The following HIF1A variants were observed in gnomAD, a reference collection of about 807,000 sequenced individuals.
HIF1A encodes hypoxia inducible factor 1 subunit alpha, also known as hypoxia-inducible factor 1-alpha.
A neutral mutation model predicts 92.7 loss-of-function variants in HIF1A; 24 were observed. The observed-to-expected ratio is 0.26, with a 90% CI of 0.19 to 0.36. HIF1A has a LOEUF of 0.36. Among genes scored for constraint, HIF1A ranks in the 10% least tolerant of loss-of-function variants. HIF1A has a pLI of 1.00. For synonymous variants in HIF1A, 319 were observed against 338.7 expected, an observed-to-expected ratio of 0.94 and a Z score of 0.64; for missense variants, 799 against 998.5, an observed-to-expected ratio of 0.80 and a Z score of 2.69.
At chr14:61,722,086 CTTT>C (rs5809118) in intron 4 of HIF1A, among the ~76,000 whole-genome samples, 14 of 143,500 alleles carry the variant, frequency 9.8e-5, no homozygotes, top group Non-Finnish European at 1.4e-4. Context: ...TTACAAATAA[CTTT>C]TTTTTTTTTT....
intron 8 of HIF1A, among the ~76,000 whole-genome samples, chr14:61,736,020 C>T (rs1235179422): frequency 2.0e-5 from 3 of 149,838 alleles, no homozygotes; most frequent in Non-Finnish European, 4.4e-5. Context: ...TGGAGTCTCA[C>T]TGTCACCCAG....
Position 61,720,492 on chromosome 14 carries a change from A to C in HIF1A, c.146A>C (p.Asn49Thr). 1 of 1,613,518 alleles carries C rather than the reference A, an allele frequency of 6.2e-7. No homozygotes were observed. Among genetic ancestry groups the C allele is most frequent in the African/African-American group, 1.3e-5 (1 of 74,990 alleles). Residue 49 changes from asparagine (N) to threonine (T), a missense_variant, in exon 2 of 15, where the codon AAT (asparagine) becomes ACT (threonine). Transcript: ENST00000337138. ...ELAHQLPLPH[N>T]VSSHLDKASV... ...GCTCATCAGTTGCCACTTCCACATA[A>C]TGTGAGTTCGCATCTTGATAAGGCC...
At chr14:61,727,734 CA>C (rs1471911657) in intron 6 of HIF1A, 79 bp downstream of exon 6, 1 of 1,078,194 alleles carries the variant, frequency 9.3e-7, no homozygotes, top group African/African-American at 1.6e-5. Context: ...AGCAAAGATT[CA>C]GCGCTGGCCA....
intron 1 of HIF1A, among the ~76,000 whole-genome samples, chr14:61,698,560 C>T (rs2044141473): frequency 6.6e-6 from 1 of 152,234 alleles, no homozygotes; most frequent in Non-Finnish European, 1.5e-5. Context: ...TAAACTTCCA[C>T]AACTCTTAAA....
Position 61,696,546 on chromosome 14 carries a change from G to A in HIF1A, c.35+707G>A, listed in dbSNP as rs1026316801. Among the ~76,000 whole-genome samples, 16 of 152,192 alleles carry A rather than the reference G, an allele frequency of 1.1e-4. 1 individual carries two copies. The highest frequency in any genetic ancestry group is 4.6e-4 in the Admixed American group (7 of 15,280). ...AAACTTGCCTAGACTGAGAGTCAGA[G>A]TAATGGGAATTTAGGGAAATGGCAA... is the stretch of plus-strand genomic sequence containing the variant. On this transcript the variant is annotated intron_variant, in intron 1 of 14. Coordinates refer to ENST00000337138, the MANE Select transcript of HIF1A (RefSeq NM_001530.4).
chr14:61,705,386 C>T (rs993993067), intron 1 of HIF1A, among the ~76,000 whole-genome samples: 2 of 152,028 alleles, frequency 1.3e-5, no homozygotes, highest in African/African-American at 4.8e-5. Context: ...TAAAAATTCT[C>T]ATAGAGTGTA....
intron 6 of HIF1A, 67 bp downstream of exon 6, chr14:61,727,722 A>G (rs2044523683): frequency 8.3e-7 from 1 of 1,199,920 alleles, no homozygotes. Flanking sequence ...AATATTCACC[A>G]TAGCAAAGAT....
At chr14:61,734,892 C>G (rs950165817) in intron 8 of HIF1A, among the ~76,000 whole-genome samples, 1 of 152,108 alleles carries the variant, frequency 6.6e-6, no homozygotes. Flanking sequence ...CACATGCACC[C>G]TAGAACTTAA....
chr14:61,738,045 A>G (rs1415815933), intron 9 of HIF1A, 42 bp from the exon 10 acceptor site: 17 of 1,457,986 alleles, frequency 1.2e-5, no homozygotes, highest in Non-Finnish European at 1.5e-5. Context: ...AAAAAAAAAA[A>G]TCCTTCTATA....
At chr14:61,736,708 G>GTATT (rs1234043708) in intron 8 of HIF1A, among the ~76,000 whole-genome samples, 181 bp from the exon 9 acceptor site, 1 of 152,094 alleles carries the variant, frequency 6.6e-6, no homozygotes, top group Non-Finnish European at 1.5e-5. Flanking sequence ...TCTTTATTTT[G>GTATT]TATTAGCATT....
chr14:61,712,972 A>C (rs1303270477), intron 1 of HIF1A, among the ~76,000 whole-genome samples: 1 of 151,582 alleles, frequency 6.6e-6, no homozygotes, highest in Non-Finnish European at 1.5e-5. Flanking sequence ...AAAAAAAAAA[A>C]CAGAAACAAA....
chr14:61,740,759 C>A lies in HIF1A; in HGVS notation c.1664C>A (p.Thr555Lys), dbSNP rs1302995438. ...EAKNPFSTQDTDLDLEMLAPY... is the reference protein window; with the variant it reads ...EAKNPFSTQDKDLDLEMLAPY... ...CATGTATTTGCTGTTTTAAAGGACA[C>A]AGATTTAGACTTGGAGATGTTAGCT... is the stretch of plus-strand genomic sequence containing the variant. The change falls in exon 12 of 15, where the codon ACA becomes AAA. Residue 555 changes from threonine (T) to lysine (K), a missense_variant. Thr to Lys is a moderately conservative substitution (Grantham distance 78). Coordinates refer to ENST00000337138, the MANE Select transcript of HIF1A (RefSeq NM_001530.4). The A allele has an allele frequency of 6.2e-7, 1 of 1,606,796 alleles. No homozygotes were observed. Among genetic ancestry groups the A allele is most frequent in the African/African-American group, 1.3e-5 (1 of 74,466 alleles).
intron 4 of HIF1A, among the ~76,000 whole-genome samples, chr14:61,724,349 T>TTCTCTCTCTCTCTCCCTC (rs2044472968): frequency 1.0e-5 from 1 of 96,096 alleles, no homozygotes; most frequent in Non-Finnish European, 2.1e-5. Context: ...CACACACACA[T>TTCTCTCTCTCTCTCCCTC]TCTCTCTCTC....
intron 1 of HIF1A, among the ~76,000 whole-genome samples, chr14:61,711,172 G>GA (rs2044302779): frequency 6.7e-6 from 1 of 149,542 alleles, no homozygotes; most frequent in Admixed American, 6.7e-5. Flanking sequence ...CCTGGGTTCG[G>GA]AAAACATAAA....
chr14:61,715,440 T>C (rs1034022515), intron 1 of HIF1A: 1 of 152,212 alleles, frequency 6.6e-6, no homozygotes, highest in South Asian at 2.1e-4. Context: ...TTTATAATAA[T>C]AGCCTAGACT....
At chr14:61,703,464 G>A (rs1171723826) in intron 1 of HIF1A, among the ~76,000 whole-genome samples, 2 of 152,124 alleles carry the variant, frequency 1.3e-5, no homozygotes. Flanking sequence ...AATGATCTCA[G>A]AGTGTAATAA....
chr14:61,747,875 G>A lies in HIF1A; in HGVS notation c.*790G>A, dbSNP rs1048503409. 6.6e-6 allele frequency: 1 copy of A among 152,312 alleles called. No homozygotes were observed. The highest frequency in any genetic ancestry group is 2.4e-5 in the African/African-American group (1 of 41,362). 9.4% of individuals were successfully genotyped at this position (152,312 alleles called of 1,614,324 possible). A position where few individuals can be genotyped will look rare whatever the true frequency, so the allele number is the denominator to read the frequency against. On this transcript the variant is annotated 3_prime_UTR_variant, in exon 15 of 15. Coordinates refer to ENST00000337138, the MANE Select transcript of HIF1A (RefSeq NM_001530.4). ...AGAAAACAATACCCTATGTAGTTGT[G>A]GAAGTTTATGCTAATATTGTGTAAC...
At chr14:61,700,337 A>G (rs2140116378) in intron 1 of HIF1A, among the ~76,000 whole-genome samples, 2 of 152,058 alleles carry the variant, frequency 1.3e-5, no homozygotes, top group South Asian at 2.1e-4. Context: ...GGCAACCACC[A>G]TTTTACTTTC....
chr14:61,703,131 C>A (rs893001081), intron 1 of HIF1A, among the ~76,000 whole-genome samples: 2 of 152,164 alleles, frequency 1.3e-5, no homozygotes, highest in African/African-American at 2.4e-5. Flanking sequence ...CGTGAGCCAC[C>A]ATGCCCGGCC....
Sources: gnomAD v4.1 joint callset for allele counts (sites outside exome capture counted in the v4.1 genomes callset) on GRCh38, gnomAD v4.1.1 for gene constraint, MANE v1.5 for transcripts, NCBI Gene and HGNC (gene_info 2026-07-23, HGNC 2026-07-21) for gene names.